The following RAP1GAP2 variants were observed in gnomAD, a reference collection of about 807,000 sequenced individuals.
The protein encoded by RAP1GAP2 is rap1 GTPase-activating protein 2.
Under a neutral mutation model 95.0 loss-of-function variants are expected in RAP1GAP2, and 27 were observed. The ratio of observed to expected loss-of-function variants is 0.28; its 90% CI spans 0.21 to 0.39. RAP1GAP2 has a LOEUF of 0.39. RAP1GAP2 is among the 10% of genes least tolerant of loss of function. The probability of loss-of-function intolerance (pLI) is 1.00; values close to 1 mark genes in which losing one functional copy is unlikely to be tolerated. For missense variants in RAP1GAP2, 771 were observed against 970.0 expected, an observed-to-expected ratio of 0.79 and a Z score of 2.72; for synonymous variants, 373 against 380.9, an observed-to-expected ratio of 0.98 and a Z score of 0.24.
At chr17:3,002,311 G>A (rs970092006) in intron 14 of RAP1GAP2, among the ~76,000 whole-genome samples, 1 of 152,204 alleles carries the variant, frequency 6.6e-6, no homozygotes, top group African/African-American at 2.4e-5. Flanking sequence ...CCTCAGAGGG[G>A]TGATGAGAAG....
rs553227026 is a variant in RAP1GAP2, at chr17:2,866,669, G to A, written c.81-38615G>A. On this transcript the variant is annotated intron_variant, in intron 2 of 24. Coordinates refer to ENST00000254695, the MANE Select transcript of RAP1GAP2 (RefSeq NM_015085.5). The surrounding 1 kb of genome is among the most constrained non-coding windows in gnomAD (Gnocchi z 4.0). ...GGCTGGAGTGCAGTGGTGCGATCTCGGCTCACTGCAGCCTCCGCCTCCCGG... is the reference window on the plus strand; with the variant it reads ...GGCTGGAGTGCAGTGGTGCGATCTCAGCTCACTGCAGCCTCCGCCTCCCGG... Among the ~76,000 whole-genome samples, 62 of 152,010 alleles carry A rather than the reference G, an allele frequency of 4.1e-4. No homozygotes were observed. Among genetic ancestry groups the A allele is most frequent in the African/African-American group, 1.4e-3 (58 of 41,434 alleles).
rs2047464363 is a variant in RAP1GAP2 at position 3,036,310 on chromosome 17, GCT to G, written c.*2950_*2951del. The G allele has an allele frequency of 6.6e-6, 1 of 152,224 alleles. No individual in the cohort carries two copies. The highest frequency in any genetic ancestry group is 1.5e-5 in the Non-Finnish European group (1 of 68,052). The allele number at this position is 152,224 out of a possible 1,614,324, so 9.4% of individuals were successfully genotyped here. ...GGAGTAACTTGCTTGAGGTCACACA[GCT>G]GGCTGTTGGCAAAGCTGGGATTAGA... On this transcript the variant is annotated 3_prime_UTR_variant, in exon 25 of 25. Coordinates refer to ENST00000254695, the MANE Select transcript of RAP1GAP2 (RefSeq NM_015085.5).
rs143632176 is a variant in RAP1GAP2, at chr17:2,984,896, A to T, written c.730-87A>T. On this transcript the variant is annotated intron_variant, in intron 10 of 24. Coordinates refer to ENST00000254695, the MANE Select transcript of RAP1GAP2 (RefSeq NM_015085.5). ...ATACCAGGGAACACATTCTCTCCCC[A>T]AATGGATGCTTCCCCTGCCATGTGC... The T allele has an allele frequency of 7.8e-5, 122 of 1,572,358 alleles. No homozygotes were observed. The East Asian group carries it at 2.8e-3, about 35-fold the overall frequency.
chr17:2,880,187 C>T (rs1210033357), intron 2 of RAP1GAP2, among the ~76,000 whole-genome samples: 8 of 151,852 alleles, frequency 5.3e-5, no homozygotes, highest in Non-Finnish European at 1.0e-4. Flanking sequence ...TACAGGAAGA[C>T]GAAGGCTTGG....
chr17:2,757,524 C>G (rs117157555), intron 1 of RAP1GAP2, among the ~76,000 whole-genome samples: 1 of 152,030 alleles, frequency 6.6e-6, no homozygotes, highest in Admixed American at 6.6e-5. Context: ...GCGCCTGGCT[C>G]AAGTATGGGT....
At chr17:2,828,777 T>C (rs1309717619) in intron 2 of RAP1GAP2, among the ~76,000 whole-genome samples, 1 of 152,110 alleles carries the variant, frequency 6.6e-6, no homozygotes, top group Non-Finnish European at 1.5e-5. Context: ...TTGTAATGGT[T>C]TCCTGGCTGT....
chr17:2,800,300 TA>T (rs2069229212), intron 1 of RAP1GAP2: 1 of 886,584 alleles, frequency 1.1e-6, no homozygotes, highest in African/African-American at 1.8e-5. Flanking sequence ...GGGAGAATAA[TA>T]ATACGCATGT....
intron 2 of RAP1GAP2, among the ~76,000 whole-genome samples, chr17:2,889,361 G>GC (rs1489079164): frequency 2.0e-5 from 3 of 152,170 alleles, no homozygotes; most frequent in Non-Finnish European, 4.4e-5. Context: ...TCAGTGCCAG[G>GC]CCCTGTGCTG....
chr17:2,950,061 C>CTTCTTCTTTTTTT, intron 3 of RAP1GAP2, among the ~76,000 whole-genome samples: 1 of 141,296 alleles, frequency 7.1e-6, no homozygotes, highest in African/African-American at 2.7e-5. Flanking sequence ...TCTTCTTCTT[C>CTTCTTCTTTTTTT]TTTTTTTTTT....
At chr17:2,784,350 G>A (rs1205219839) in intron 1 of RAP1GAP2, among the ~76,000 whole-genome samples, 3 of 151,166 alleles carry the variant, frequency 2.0e-5, no homozygotes, top group Non-Finnish European at 4.4e-5. Context: ...GGCTCACTGC[G>A]ACCTCCATCT....
At chr17:2,836,000 C>G (rs984385758) in intron 2 of RAP1GAP2, among the ~76,000 whole-genome samples, 1 of 152,116 alleles carries the variant, frequency 6.6e-6, no homozygotes, top group Non-Finnish European at 1.5e-5. Flanking sequence ...CCCCAGCCAG[C>G]CACTGGCGGG....
intron 2 of RAP1GAP2, among the ~76,000 whole-genome samples, chr17:2,846,393 C>T (rs772233769): frequency 1.3e-4 from 20 of 152,128 alleles, no homozygotes; most frequent in South Asian, 8.3e-4. Flanking sequence ...GGCTGCTTTC[C>T]GACTTTGGCG....
intron 1 of RAP1GAP2, among the ~76,000 whole-genome samples, chr17:2,755,980 A>G (rs2071133490): frequency 6.6e-6 from 1 of 152,214 alleles, no homozygotes; most frequent in South Asian, 2.1e-4. Flanking sequence ...CGGCTCTCCA[A>G]AGAGATGGGC....
At position 3,027,103 on chromosome 17, in the gene RAP1GAP2, C is replaced by G; in HGVS notation, c.2107+33C>G. 6.5e-7 allele frequency: 1 copy of G among 1,549,112 alleles called. No homozygotes were observed. The highest frequency in any genetic ancestry group is 2.4e-5 in the East Asian group (1 of 41,398). ...GCATCTGGTGGTGTGTGTGACGTCA[C>G]CAGGAGGGCAGGCTGTGCCCTGTCC... On this transcript the variant is annotated intron_variant, in intron 22 of 24. Coordinates refer to ENST00000254695, the MANE Select transcript of RAP1GAP2 (RefSeq NM_015085.5). This position sits in a 1 kb window ranked among gnomAD's most constrained non-coding sequence, Gnocchi z 5.2.
intron 7 of RAP1GAP2, chr17:2,964,992 G>A (rs1415513662): frequency 1.9e-5 from 3 of 154,854 alleles, no homozygotes; most frequent in Non-Finnish European, 4.3e-5. Flanking sequence ...GGGGAGCTGT[G>A]TTTTTCGCCC....
intron 8 of RAP1GAP2, 127 bp from the exon 9 acceptor site, chr17:2,980,160 C>G: frequency 2.6e-6 from 2 of 776,900 alleles, no homozygotes; most frequent in South Asian, 1.6e-5. Context: ...ACAGGCTGGT[C>G]TCGAACTCCT....
At chr17:2,838,387 G>T (rs1310457867) in intron 2 of RAP1GAP2, among the ~76,000 whole-genome samples, 1 of 152,036 alleles carries the variant, frequency 6.6e-6, no homozygotes, top group Non-Finnish European at 1.5e-5. Flanking sequence ...GGCAGCTGGC[G>T]ACATGCTGAA....
intron 2 of RAP1GAP2, among the ~76,000 whole-genome samples, chr17:2,862,865 C>T (rs544416820): frequency 3.3e-5 from 5 of 151,870 alleles, no homozygotes; most frequent in Non-Finnish European, 5.9e-5. Context: ...GGCGTGGTGG[C>T]GTGCGCCTGT....
intron 2 of RAP1GAP2, among the ~76,000 whole-genome samples, chr17:2,885,015 CTTTTA>C (rs1261213393): frequency 7.1e-6 from 1 of 141,192 alleles, no homozygotes; most frequent in African/African-American, 2.6e-5. Context: ...AGGCACATTT[CTTTTA>C]TTTCTTTCTT....
Sources: gnomAD v4.1 joint callset for allele counts (sites outside exome capture counted in the v4.1 genomes callset) on GRCh38, gnomAD v4.1.1 for gene constraint, Gnocchi (gnomAD v3.1) non-coding constraint, MANE v1.5 for transcripts, NCBI Gene and HGNC (gene_info 2026-07-23, HGNC 2026-07-21) for gene names.